Variants in DNAH9 observed in about 807,000 individuals in gnomAD.
DNAH9 encodes dynein axonemal heavy chain 9, also known as DNAH9 variant protein.
In DNAH9, 345 loss-of-function variants were observed where a neutral mutation model predicts 471.6. The observed-to-expected ratio is 0.73, with a 90% CI of 0.67 to 0.80. The LOEUF (loss-of-function observed/expected upper bound fraction) is 0.80, where lower values mean the gene tolerates loss of function less well. Ranked by LOEUF, DNAH9 falls within the 30% of genes least tolerant of loss-of-function variation. The pLI, the probability that DNAH9 is intolerant of heterozygous loss-of-function variation, is 0.00. For missense variants in DNAH9, 5,407 were observed against 5,609.2 expected (o/e 0.96, Z 1.15); for synonymous variants, 2,093 against 2,123.6 (o/e 0.99, Z 0.40).
rs1248074838 is a variant in DNAH9, at chr17:11,937,162, G to C, written c.12490-190G>C. The stretch of plus-strand genomic sequence containing the variant: ...GTGGAAGTTTTGGGAAACGGGTCCA[G>C]CCGACAAAAATGGATGATGTCAAGG... On this transcript the variant is annotated intron_variant, in intron 65 of 68. Coordinates refer to ENST00000262442, the MANE Select transcript of DNAH9 (RefSeq NM_001372.4). This position sits in a 1 kb window ranked among gnomAD's most constrained non-coding sequence, Gnocchi z 4.1. Among the ~76,000 whole-genome samples, 1 of 152,140 alleles carries C rather than the reference G, an allele frequency of 6.6e-6. No individual in the cohort carries two copies. Among genetic ancestry groups the C allele is most frequent in the South Asian group, 2.1e-4 (1 of 4,816 alleles).
intron 67 of DNAH9, among the ~76,000 whole-genome samples, chr17:11,957,654 A>T (rs1975721152): frequency 6.6e-6 from 1 of 151,990 alleles, no homozygotes; most frequent in African/African-American, 2.4e-5. Flanking sequence ...TCTTCAGCAG[A>T]GAGAGATGAA....
At chr17:11,665,726 G>A (rs2073854395) in intron 15 of DNAH9, among the ~76,000 whole-genome samples, 1 of 152,204 alleles carries the variant, frequency 6.6e-6, no homozygotes, top group South Asian at 2.1e-4. Flanking sequence ...ATAACCTATA[G>A]AAGGATTTGT....
At chr17:11,652,303 T>TTTG (rs1244404705) in intron 13 of DNAH9, among the ~76,000 whole-genome samples, 48 of 146,192 alleles carry the variant, frequency 3.3e-4, no homozygotes, top group African/African-American at 1.1e-3. Flanking sequence ...TTTTTTTTTT[T>TTTG]GAGACAGAGT....
chr17:11,730,004 T>TTCCATCTCTTGTGTCTC (rs1439750262), intron 28 of DNAH9, among the ~76,000 whole-genome samples: 1 of 152,208 alleles, frequency 6.6e-6, no homozygotes, highest in Non-Finnish European at 1.5e-5. Context: ...TGGCCTGTCT[T>TTCCATCTCTTGTGTCTC]TCCATCTCTT....
intron 2 of DNAH9, among the ~76,000 whole-genome samples, chr17:11,609,177 A>G (rs560132554): frequency 6.6e-6 from 1 of 152,332 alleles, no homozygotes; most frequent in South Asian, 2.1e-4. Context: ...ATTTGATCCG[A>G]AGAATAAGTA....
At chr17:11,642,209 C>A (rs753740654) in intron 10 of DNAH9, among the ~76,000 whole-genome samples, 3 of 152,088 alleles carry the variant, frequency 2.0e-5, no homozygotes, top group Non-Finnish European at 4.4e-5. Context: ...CTATAATTCC[C>A]GTGAAAACTC....
intron 12 of DNAH9, among the ~76,000 whole-genome samples, chr17:11,649,075 C>T (rs1369638328): frequency 6.6e-6 from 1 of 150,790 alleles, no homozygotes; most frequent in Non-Finnish European, 1.5e-5. Flanking sequence ...TGCAGTGAGC[C>T]GAGATTGCGC....
chr17:11,664,784 CT>C, intron 14 of DNAH9, 48 bp from the exon 15 acceptor site: 1 of 1,515,926 alleles, frequency 6.6e-7, no homozygotes, highest in Non-Finnish European at 9.1e-7. Flanking sequence ...TACACCAGTT[CT>C]TTCATGCTAT....
intron 61 of DNAH9, among the ~76,000 whole-genome samples, chr17:11,922,841 T>A (rs1365488087): frequency 6.6e-6 from 1 of 152,082 alleles, no homozygotes; most frequent in East Asian, 1.9e-4. Context: ...GAAGACACAA[T>A]ATTTATTCAG....
intron 41 of DNAH9, among the ~76,000 whole-genome samples, chr17:11,792,066 G>A (rs1294232743): frequency 6.6e-6 from 1 of 152,056 alleles, no homozygotes; most frequent in Admixed American, 6.5e-5. Context: ...TGGATCACCT[G>A]AGGTTGGGAG....
At chr17:11,877,014 G>T (rs570846204) in intron 53 of DNAH9, among the ~76,000 whole-genome samples, 1 of 151,584 alleles carries the variant, frequency 6.6e-6, no homozygotes, top group Non-Finnish European at 1.5e-5. Context: ...CACTGCACCC[G>T]GCCAGTTTTG....
intron 4 of DNAH9, among the ~76,000 whole-genome samples, chr17:11,614,415 T>C (rs1443287574): frequency 1.3e-5 from 2 of 152,122 alleles, no homozygotes; most frequent in East Asian, 3.8e-4. Flanking sequence ...TTGTATGAAG[T>C]AGTATTGACT....
Position 11,854,254 on chromosome 17 carries a change from G to C in DNAH9, c.9759G>C (p.Glu3253Asp). The change falls in exon 50 of 69, where the codon GAG (glutamate) becomes GAC (aspartate). Residue 3253 changes from glutamate (E) to aspartate (D), a missense_variant. By Grantham distance (45) the Glu-to-Asp change is conservative. Around this residue, in one of 3 missense-constraint regions of DNAH9, gnomAD observed 4,636 missense variants for 4,900.3 expected, o/e 0.95. Coordinates refer to ENST00000262442, the MANE Select transcript of DNAH9 (RefSeq NM_001372.4). ...PYLQDPEFNPEFVATKSYAAA... is the reference protein window; with the variant it reads ...PYLQDPEFNPDFVATKSYAAA... ...TGCAAGACCCCGAGTTCAATCCTGA[G>C]TTTGTGGCCACCAAATCCTATGCGG... is the stretch of plus-strand genomic sequence containing the variant. 2 of 1,614,194 alleles carry C rather than the reference G, an allele frequency of 1.2e-6. No individual in the cohort carries two copies. Among genetic ancestry groups the C allele is most frequent in the Non-Finnish European group, 8.5e-7 (1 of 1,180,048 alleles).
intron 45 of DNAH9, among the ~76,000 whole-genome samples, chr17:11,817,604 A>G (rs1970144988): frequency 6.6e-6 from 1 of 152,258 alleles, no homozygotes; most frequent in South Asian, 2.1e-4. Context: ...TTATTTATGA[A>G]CAATAAAATT....
chr17:11,755,364 C>T (rs1007486677), intron 33 of DNAH9, among the ~76,000 whole-genome samples: 1 of 152,086 alleles, frequency 6.6e-6, no homozygotes, highest in African/African-American at 2.4e-5. Context: ...TGAAGAATGT[C>T]ATTGGTAATT....
At chr17:11,769,632 A>C (rs895861490) in intron 38 of DNAH9, among the ~76,000 whole-genome samples, 1 of 152,254 alleles carries the variant, frequency 6.6e-6, no homozygotes, top group African/African-American at 2.4e-5. Context: ...GCTACAAGCC[A>C]TGGAGAGATT....
At chr17:11,899,230 T>C (rs1415780619) in intron 59 of DNAH9, among the ~76,000 whole-genome samples, 1 of 152,186 alleles carries the variant, frequency 6.6e-6, no homozygotes, top group Non-Finnish European at 1.5e-5. Flanking sequence ...GACTGATTGC[T>C]TTGTTTCCCC....
At chr17:11,936,709 T>C (rs1410894803) in intron 65 of DNAH9, among the ~76,000 whole-genome samples, 2 of 152,096 alleles carry the variant, frequency 1.3e-5, no homozygotes. Context: ...TTTTAGGCAT[T>C]AGGCATGGCA....
chr17:11,675,308 T>A (rs2074032372), intron 17 of DNAH9, among the ~76,000 whole-genome samples: 1 of 152,198 alleles, frequency 6.6e-6, no homozygotes, highest in African/African-American at 2.4e-5. Flanking sequence ...CCTGCTAAAT[T>A]AATTTAATAA....
Sources: allele counts gnomAD v4.1 joint callset (sites outside exome capture counted in the v4.1 genomes callset), GRCh38; gene constraint gnomAD v4.1.1; regional missense constraint gnomAD v4.1.1; non-coding constraint Gnocchi (gnomAD v3.1); transcripts MANE v1.5; gene names NCBI Gene and HGNC (gene_info 2026-07-23, HGNC 2026-07-21).